The following MCC variants were observed in gnomAD, a reference collection of about 807,000 sequenced individuals.
The protein encoded by MCC is colorectal mutant cancer protein.
A neutral mutation model predicts 116.2 loss-of-function variants in MCC; 90 were observed. That is an observed-to-expected ratio of 0.77 (90% CI 0.65 to 0.92). The LOEUF (loss-of-function observed/expected upper bound fraction) is 0.92. Ranked by LOEUF, MCC falls within the 40% of genes least tolerant of loss-of-function variation. The pLI is 0.00. For missense variants in MCC, 1,516 were observed against 1,312.2 expected (o/e 1.16, Z -2.40); for synonymous variants, 578 against 510.5 (o/e 1.13, Z -1.78).
At chr5:113,448,511 A>T (rs572626329) in intron 1 of MCC, among the ~76,000 whole-genome samples, 13 of 152,326 alleles carry the variant, frequency 8.5e-5, no homozygotes, top group East Asian at 7.7e-4. Flanking sequence ...TTAATAAAAG[A>T]TTCCCCAAGC....
At chr5:113,367,578 C>T (rs1335056668) in intron 2 of MCC, among the ~76,000 whole-genome samples, 1 of 130,248 alleles carries the variant, frequency 7.7e-6, no homozygotes, top group Non-Finnish European at 1.5e-5. Context: ...AAGAATTTTC[C>T]CAGACAAGCC....
At chr5:113,119,718 C>G (rs1275506993) in intron 6 of MCC, among the ~76,000 whole-genome samples, 10 of 152,058 alleles carry the variant, frequency 6.6e-5, no homozygotes, top group Non-Finnish European at 2.9e-5. Context: ...AAAAAAGCTT[C>G]TATGTGTGGG....
Position 113,049,170 on chromosome 5 carries a change from C to T in MCC, c.2578G>A (p.Glu860Lys), listed in dbSNP as rs925915589. ...CGCTGCTCCTTCTGCTCCTCCACCT[C>T]GGACTTCAGGTGCTCAATGTGCACC... Reference protein sequence around the residue: ...YLVHIEHLKSEVEEQKEQRMR... With the variant: ...YLVHIEHLKSKVEEQKEQRMR... Residue 860 changes from glutamate to lysine, a missense_variant, in exon 16 of 19, where the codon GAG (glutamate) becomes AAG (lysine). Physicochemically the swap from Glu to Lys is moderately conservative, Grantham distance 56. Transcript: ENST00000408903. 11 of 1,614,094 alleles carry T rather than the reference C, an allele frequency of 6.8e-6. No individual in the cohort carries two copies. In the East Asian group the frequency reaches 2.2e-4, roughly 33 times the overall value.
At chr5:113,347,931 A>G (rs1768173725) in intron 2 of MCC, among the ~76,000 whole-genome samples, 1 of 152,142 alleles carries the variant, frequency 6.6e-6, no homozygotes, top group Non-Finnish European at 1.5e-5. Context: ...CTCTACTTGT[A>G]TCAGACAAAA....
chr5:113,461,734 C>T (rs1010154634), intron 1 of MCC, among the ~76,000 whole-genome samples: 1 of 125,338 alleles, frequency 8.0e-6, no homozygotes, highest in Non-Finnish European at 1.6e-5. Flanking sequence ...GGATGAACAA[C>T]TTGCACCAGT....
intron 3 of MCC, among the ~76,000 whole-genome samples, chr5:113,330,427 C>T (rs920291416): frequency 1.3e-5 from 2 of 152,172 alleles, no homozygotes; most frequent in Non-Finnish European, 2.9e-5. Flanking sequence ...TACAAAGATG[C>T]AAAGATAGAA....
chr5:113,175,036 T>C (rs1037855001), intron 3 of MCC, among the ~76,000 whole-genome samples: 1 of 152,174 alleles, frequency 6.6e-6, no homozygotes, highest in Non-Finnish European at 1.5e-5. Flanking sequence ...TTGTTAATGC[T>C]GGTTAAGGAG....
chr5:113,144,917 G>T (rs575657058), intron 4 of MCC, among the ~76,000 whole-genome samples: 6 of 152,274 alleles, frequency 3.9e-5, no homozygotes, highest in South Asian at 2.1e-4. Context: ...CAAAGGCAAG[G>T]ATCAAGGTTG....
chr5:113,201,402 A>AC (rs1211103956), intron 3 of MCC, among the ~76,000 whole-genome samples: 1 of 151,490 alleles, frequency 6.6e-6, no homozygotes, highest in Non-Finnish European at 1.5e-5. Context: ...AAAAAAAAAA[A>AC]AAACAAAGAA....
At chr5:113,324,859 G>T (rs556847938) in intron 3 of MCC, among the ~76,000 whole-genome samples, 36 of 150,762 alleles carry the variant, frequency 2.4e-4, no homozygotes, top group African/African-American at 8.8e-4. Flanking sequence ...TGGAGACAGG[G>T]TCCCCCTCTG....
intron 1 of MCC, among the ~76,000 whole-genome samples, chr5:113,416,271 G>A (rs1348678266): frequency 6.6e-6 from 1 of 152,186 alleles, no homozygotes; most frequent in Non-Finnish European, 1.5e-5. Flanking sequence ...CAATGTTGGA[G>A]AGCTGGGTGT....
chr5:113,067,551 G>A (rs540462588), intron 13 of MCC, among the ~76,000 whole-genome samples: 2 of 152,298 alleles, frequency 1.3e-5, no homozygotes, highest in African/African-American at 4.8e-5. Context: ...GCAGGAGGAT[G>A]CTTGAACCTA....
At chr5:113,484,178 T>C (rs1425201307) in intron 1 of MCC, among the ~76,000 whole-genome samples, 1 of 152,032 alleles carries the variant, frequency 6.6e-6, no homozygotes, top group Non-Finnish European at 1.5e-5. Context: ...CCATAACTAA[T>C]GGGTACTAGG....
chr5:113,418,660 C>G (rs1317211488), intron 1 of MCC, among the ~76,000 whole-genome samples: 1 of 151,222 alleles, frequency 6.6e-6, no homozygotes, highest in Non-Finnish European at 1.5e-5. Context: ...TAGAAAGCAC[C>G]TAACAAGTGG....
At chr5:113,082,285 G>T (rs1406047909) in intron 11 of MCC, among the ~76,000 whole-genome samples, 1 of 152,248 alleles carries the variant, frequency 6.6e-6, no homozygotes, top group Non-Finnish European at 1.5e-5. Flanking sequence ...CATTTGCGAA[G>T]AACATAAATA....
chr5:113,066,087 T>C (rs1320663017), intron 13 of MCC, among the ~76,000 whole-genome samples: 2 of 152,274 alleles, frequency 1.3e-5, no homozygotes, highest in Non-Finnish European at 2.9e-5. Flanking sequence ...ATATTATAAA[T>C]GTATACATGA....
Position 113,488,323 on chromosome 5 carries a change from G to T in MCC, c.92C>A (p.Thr31Lys). ...GSGSSSSSSD[T>K]SSTGEEERMR... ...CCTCTCCTCCTCGCCGGTGCTGGACGTGTCGCTGCTGCTGCTGCTGCTGCC... is the reference window on the plus strand; with the variant it reads ...CCTCTCCTCCTCGCCGGTGCTGGACTTGTCGCTGCTGCTGCTGCTGCTGCC... The change falls in exon 1 of 19, where the codon ACG (threonine) becomes AAG (lysine). Residue 31 changes from threonine to lysine, a missense_variant. Coordinates refer to ENST00000408903, the MANE Select transcript of MCC (RefSeq NM_001085377.2). 6.5e-7 allele frequency: 1 copy of T among 1,548,128 alleles called. No homozygotes were observed.
intron 8 of MCC, among the ~76,000 whole-genome samples, chr5:113,086,726 A>G (rs1361640029): frequency 1.3e-5 from 2 of 150,328 alleles, no homozygotes; most frequent in African/African-American, 5.0e-5. Context: ...TACCTGAAAG[A>G]GCAAACTAAC....
chr5:113,046,710 A>AAAAAAAAAAAAAAAGAG lies in MCC; in HGVS notation c.2655+2382_2655+2383insCTCTTTTTTTTTTTTTT. ...CAAAAAAAAAAAAAAAAAAAAAAAAAAGAGAGAGATTTTGAAGGTGTTTGT... is the reference window on the plus strand; with the variant it reads ...CAAAAAAAAAAAAAAAAAAAAAAAAAAAAAAAAAAAAAAAGAGAGAGAGAGATTTTGAAGGTGTTTGT... On this transcript the variant is annotated intron_variant, in intron 16 of 18. Transcript: ENST00000408903. 3.1e-4 allele frequency among the ~76,000 whole-genome samples: 32 copies of AAAAAAAAAAAAAAAGAG among 102,442 alleles called. 2 individuals carry two copies. Among genetic ancestry groups the AAAAAAAAAAAAAAAGAG allele is most frequent in the African/African-American group, 1.0e-3 (26 of 25,066 alleles). 67.2% of individuals were successfully genotyped at this position (102,442 alleles called of 152,430 possible).
Sources: allele counts gnomAD v4.1 joint callset (sites outside exome capture counted in the v4.1 genomes callset), GRCh38; gene constraint gnomAD v4.1.1; transcripts MANE v1.5; gene names NCBI Gene and HGNC (gene_info 2026-07-23, HGNC 2026-07-21).